The following PAPPA2 variants were observed in gnomAD, a reference collection of about 807,000 sequenced individuals.
The protein encoded by PAPPA2 is pappalysin-2.
In PAPPA2, 86 loss-of-function variants were observed where a neutral mutation model predicts 176.4. That is an observed-to-expected ratio of 0.49 (90% confidence interval 0.41 to 0.58). The LOEUF is 0.58. Among genes scored for constraint, PAPPA2 ranks in the 20% least tolerant of loss-of-function variants. The pLI, the probability that PAPPA2 is intolerant of heterozygous loss-of-function variation, is 0.00. For missense variants in PAPPA2, 2,073 were observed against 2,256.9 expected (o/e 0.92, Z 1.65); for synonymous variants, 809 against 852.2 (o/e 0.95, Z 0.88).
At chr1:176,561,947 G>A (rs995226441) in intron 2 of PAPPA2, among the ~76,000 whole-genome samples, 2 of 152,102 alleles carry the variant, frequency 1.3e-5, no homozygotes, top group Admixed American at 6.6e-5. Flanking sequence ...CGTGCGCAGC[G>A]GAACTCCCAT....
At chr1:176,753,927 G>T (rs1314229559) in intron 14 of PAPPA2, among the ~76,000 whole-genome samples, 1 of 151,788 alleles carries the variant, frequency 6.6e-6, no homozygotes, top group African/African-American at 2.4e-5. Context: ...CACTAGAGAG[G>T]ATTCTGATTC....
At chr1:176,582,129 G>A (rs1484163236) in intron 2 of PAPPA2, among the ~76,000 whole-genome samples, 5 of 151,656 alleles carry the variant, frequency 3.3e-5, no homozygotes, top group Non-Finnish European at 5.9e-5. Context: ...GGGTTTTACC[G>A]TGTTAGCCAG....
chr1:176,578,314 C>T (rs1041714824), intron 2 of PAPPA2, among the ~76,000 whole-genome samples: 3 of 152,160 alleles, frequency 2.0e-5, no homozygotes, highest in East Asian at 1.9e-4. Context: ...GCTCATCTAA[C>T]GTTATGGGGA....
intron 3 of PAPPA2, among the ~76,000 whole-genome samples, chr1:176,657,511 C>A (rs185067107): frequency 1.3e-5 from 2 of 151,758 alleles, no homozygotes; most frequent in Non-Finnish European, 2.9e-5. Flanking sequence ...GTGCAAAACA[C>A]GGAACAGAGA....
chr1:176,716,860 C>T (rs923806273), intron 12 of PAPPA2, among the ~76,000 whole-genome samples: 26 of 152,026 alleles, frequency 1.7e-4, no homozygotes, highest in African/African-American at 6.0e-4. Context: ...ATCCGCCCAT[C>T]TCGGCCTCCC....
rs750961505 is a variant in PAPPA2 at position 176,706,355 on chromosome 1, C to G, written c.3366-4C>G. 1.9e-6 allele frequency: 3 copies of G among 1,612,990 alleles called. No individual in the cohort carries two copies. Among genetic ancestry groups the G allele is most frequent in the East Asian group, 4.5e-5 (2 of 44,854 alleles). On this transcript the variant is annotated splice_region_variant and splice_polypyrimidine_tract_variant and intron_variant, in intron 9 of 22. Transcript: ENST00000367662. ...TATATATGCATATATATTTTACCCT[C>G]TAGGAGACTGGGAGAAGAGTGTGAT... is the stretch of plus-strand genomic sequence containing the variant.
intron 15 of PAPPA2, 98 bp from the exon 16 acceptor site, chr1:176,769,509 G>A: frequency 7.6e-7 from 1 of 1,309,176 alleles, no homozygotes; most frequent in Non-Finnish European, 1.1e-6. Context: ...CGTTTTAAAT[G>A]TTTAGACAGA....
chr1:176,692,282 A>G lies in PAPPA2; in HGVS notation c.2588A>G (p.His863Arg), dbSNP rs747893554. Residue 863 changes from histidine (H) to arginine (R), a missense_variant, in exon 6 of 23, where the codon CAC (histidine) becomes CGC (arginine). His to Arg is a conservative substitution (Grantham distance 29, BLOSUM62 0). Coordinates refer to ENST00000367662, the MANE Select transcript of PAPPA2 (RefSeq NM_020318.3). Reference sequence around the variant, plus strand: ...CAGACCAACAAGTCCCTCACTATCCACTGGCTGCCTCCTATTAGTGGAGTT... The same window carrying G: ...CAGACCAACAAGTCCCTCACTATCCGCTGGCTGCCTCCTATTAGTGGAGTT... ...IGQTNKSLTIHWLPPISGVVY... is the reference protein window; with the variant it reads ...IGQTNKSLTIRWLPPISGVVY... The G allele has an allele frequency of 5.0e-6, 8 of 1,613,742 alleles. No individual in the cohort carries two copies. In the African/African-American group the frequency reaches 8.0e-5, roughly 16 times the overall value.
intron 12 of PAPPA2, among the ~76,000 whole-genome samples, chr1:176,731,500 C>T (rs566547127): frequency 5.3e-5 from 8 of 151,874 alleles, no homozygotes; most frequent in African/African-American, 1.7e-4. Context: ...TCAGTAGAGA[C>T]GGGGTTTCAC....
At chr1:176,537,721 T>A (rs939754902) in intron 1 of PAPPA2, among the ~76,000 whole-genome samples, 34 of 142,254 alleles carry the variant, frequency 2.4e-4, no homozygotes, top group Non-Finnish European at 3.5e-4. Context: ...AGGTATGGAG[T>A]GTGTGTGTGT....
intron 3 of PAPPA2, among the ~76,000 whole-genome samples, chr1:176,638,709 T>G (rs1267588596): frequency 6.6e-6 from 1 of 151,858 alleles, no homozygotes; most frequent in Non-Finnish European, 1.5e-5. Flanking sequence ...CTATATTGGC[T>G]CTGATCAGGA....
chr1:176,775,123 T>A (rs2102918289), intron 17 of PAPPA2, among the ~76,000 whole-genome samples: 1 of 152,268 alleles, frequency 6.6e-6, no homozygotes, highest in South Asian at 2.1e-4. Flanking sequence ...ACACCAAACT[T>A]CTCTGATGAT....
In PAPPA2 at chr1:176,702,776, T is replaced by C. The variant is rs111906977; in HGVS notation, c.3365+41T>C. The C allele has an allele frequency of 5.3e-6, 5 of 942,988 alleles. No individual in the cohort carries two copies. The African/African-American group carries it at 1.1e-4, about 20-fold the overall frequency. The allele number at this position is 942,988 out of a possible 1,614,324, so 58.4% of individuals were successfully genotyped here. ...GTGTGTGTGTGTGTGTGTGTGTGTGTGAGAGAGAGAGAGAGAGAGAGAGAG... is the reference window on the plus strand; with the variant it reads ...GTGTGTGTGTGTGTGTGTGTGTGTGCGAGAGAGAGAGAGAGAGAGAGAGAG... On this transcript the variant is annotated intron_variant, in intron 9 of 22. Transcript: ENST00000367662.
chr1:176,594,724 C>A lies in PAPPA2; in HGVS notation c.1120C>A (p.Arg374=). 2 of 1,614,230 alleles carry A rather than the reference C, an allele frequency of 1.2e-6. No homozygotes were observed. Among genetic ancestry groups the A allele is most frequent in the Non-Finnish European group, 1.7e-6 (2 of 1,180,044 alleles). ...WTHVAATYDG[R]HMALYVDGTQ... ...CCATGTGGCAGCCACTTACGATGGACGGCACATGGCCCTGTATGTGGATGG... is the reference window on the plus strand; with the variant it reads ...CCATGTGGCAGCCACTTACGATGGAAGGCACATGGCCCTGTATGTGGATGG... Residue 374 remains arginine, a synonymous_variant, in exon 3 of 23, where the codon CGG becomes AGG. Transcript: ENST00000367662.
intron 1 of PAPPA2, among the ~76,000 whole-genome samples, chr1:176,526,308 C>A (rs1032588434): frequency 6.6e-6 from 1 of 152,158 alleles, no homozygotes; most frequent in Non-Finnish European, 1.5e-5. Flanking sequence ...ACACAGCTAC[C>A]CTATGTTTCC....
chr1:176,772,489 T>G (rs559075918), intron 17 of PAPPA2, among the ~76,000 whole-genome samples: 1 of 152,274 alleles, frequency 6.6e-6, no homozygotes, highest in South Asian at 2.1e-4. Context: ...CTCAACCATG[T>G]TAACATTTGG....
rs780464432 is a variant in PAPPA2, at chr1:176,594,587, G to T, written c.983G>T (p.Gly328Val). 44 of 1,614,044 alleles carry T rather than the reference G, an allele frequency of 2.7e-5. 1 individual carries two copies. Among genetic ancestry groups the T allele is most frequent in the Non-Finnish European group, 3.2e-5 (38 of 1,180,038 alleles). ...DKGWALGIRS[G>V]KDKGKRDARF... ...GGCTGGGCCCTGGGGATCCGCTCAG[G>T]GAAGGACAAGGGAAAGCGGGATGCT... is the stretch of plus-strand genomic sequence containing the variant. Residue 328 changes from glycine (G) to valine (V), a missense_variant, in exon 3 of 23, where the codon GGG becomes GTG. Transcript: ENST00000367662.
chr1:176,556,096 G>A lies in PAPPA2; in HGVS notation c.-227G>A. On this transcript the variant is annotated 5_prime_UTR_variant, in exon 2 of 23. Transcript: ENST00000367662. ...AGAGAGGTCAAGCGAGAAGCGTGCG[G>A]GAAGCACATGCCCTGGGGAGGCATA... 1.8e-6 allele frequency: 1 copy of A among 568,722 alleles called. No homozygotes were observed. 35.2% of individuals were successfully genotyped at this position (568,722 alleles called of 1,614,324 possible).
intron 4 of PAPPA2, among the ~76,000 whole-genome samples, chr1:176,674,111 T>C (rs1378350485): frequency 6.6e-6 from 1 of 152,082 alleles, no homozygotes; most frequent in Non-Finnish European, 1.5e-5. Context: ...ATTAAAAAGC[T>C]GAACAGTGAT....
Sources: gnomAD v4.1 joint callset for allele counts (sites outside exome capture counted in the v4.1 genomes callset) on GRCh38, gnomAD v4.1.1 for gene constraint, MANE v1.5 for transcripts, NCBI Gene and HGNC (gene_info 2026-07-23, HGNC 2026-07-21) for gene names.